The following ZNF804A variants were observed in gnomAD, a reference collection of about 807,000 sequenced individuals.
ZNF804A encodes the protein zinc finger protein 804A.
A neutral mutation model predicts 16.5 loss-of-function variants in ZNF804A; 2 were observed. The ratio of observed to expected loss-of-function variants is 0.12; its 90% CI spans 0.05 to 0.38. The LOEUF is 0.38. Ranked by LOEUF, ZNF804A falls within the 10% of genes least tolerant of loss-of-function variation. The probability of loss-of-function intolerance (pLI) is 0.99; values close to 1 mark genes in which losing one functional copy is unlikely to be tolerated. For synonymous variants in ZNF804A, 534 were observed against 489.6 expected, an observed-to-expected ratio of 1.09 and a Z score of -1.20; for missense variants, 1,473 against 1,390.7, an observed-to-expected ratio of 1.06 and a Z score of -0.94.
chr2:184,882,459 C>T (rs1434754973), intron 2 of ZNF804A, among the ~76,000 whole-genome samples: 2 of 151,984 alleles, frequency 1.3e-5, no homozygotes, highest in Non-Finnish European at 2.9e-5. Context: ...CAAATGGACC[C>T]AACAGATATC....
chr2:184,660,941 A>G (rs1692167048), intron 1 of ZNF804A, among the ~76,000 whole-genome samples: 1 of 152,240 alleles, frequency 6.6e-6, no homozygotes, highest in Admixed American at 6.5e-5. Context: ...GAGTATGTCA[A>G]TAGCCCTTCC....
At chr2:184,867,452 G>A (rs575013596) in intron 2 of ZNF804A, among the ~76,000 whole-genome samples, 14 of 152,066 alleles carry the variant, frequency 9.2e-5, no homozygotes, top group Admixed American at 4.6e-4. Context: ...CATGTTAAAC[G>A]ATAATGAACC....
At chr2:184,885,995 A>G (rs534405202) in intron 2 of ZNF804A, among the ~76,000 whole-genome samples, 151 of 152,264 alleles carry the variant, frequency 9.9e-4, no homozygotes, top group African/African-American at 3.6e-3. Context: ...CTGAAGTCAC[A>G]ATTCATTTTA....
At chr2:184,770,944 A>G (rs1422930126) in intron 1 of ZNF804A, among the ~76,000 whole-genome samples, 1 of 152,088 alleles carries the variant, frequency 6.6e-6, no homozygotes, top group African/African-American at 2.4e-5. Context: ...TATTTCACCC[A>G]AAGACAGATA....
chr2:184,782,410 C>G (rs1481981638), intron 1 of ZNF804A, among the ~76,000 whole-genome samples: 1 of 151,250 alleles, frequency 6.6e-6, no homozygotes, highest in Non-Finnish European at 1.5e-5. Flanking sequence ...CAGCTGCCAG[C>G]ATGGCTAGAA....
intron 2 of ZNF804A, among the ~76,000 whole-genome samples, chr2:184,872,560 A>G (rs952077554): frequency 4.6e-5 from 7 of 152,186 alleles, no homozygotes; most frequent in Admixed American, 6.5e-5. Context: ...AAACCTAAAA[A>G]TGCCATACAA....
intron 1 of ZNF804A, among the ~76,000 whole-genome samples, chr2:184,658,212 G>GGT (rs1344615495): frequency 1.3e-5 from 2 of 152,168 alleles, no homozygotes; most frequent in Non-Finnish European, 2.9e-5. Flanking sequence ...GGCCAGGTGT[G>GGT]GTGGCTCACG....
At chr2:184,654,723 A>G (rs774805851) in intron 1 of ZNF804A, among the ~76,000 whole-genome samples, 11 of 152,322 alleles carry the variant, frequency 7.2e-5, no homozygotes, top group Non-Finnish European at 1.6e-4. Context: ...CAGCTATGAA[A>G]AAGCATATAG....
chr2:184,916,595 A>G (rs1310105147), intron 2 of ZNF804A, among the ~76,000 whole-genome samples: 2 of 152,222 alleles, frequency 1.3e-5, no homozygotes, highest in African/African-American at 2.4e-5. Context: ...GACGCCTGCA[A>G]TCCCAGCACT....
intron 1 of ZNF804A, among the ~76,000 whole-genome samples, chr2:184,855,581 T>C (rs1206678908): frequency 6.7e-6 from 1 of 149,012 alleles, no homozygotes; most frequent in Admixed American, 6.8e-5. Flanking sequence ...AGTATATATA[T>C]ACTGTAATGT....
intron 1 of ZNF804A, among the ~76,000 whole-genome samples, chr2:184,822,634 T>C (rs1207809425): frequency 1.3e-5 from 2 of 151,940 alleles, no homozygotes; most frequent in Non-Finnish European, 2.9e-5. Flanking sequence ...TTTGAGCAGA[T>C]TTTTTTTGAG....
At chr2:184,638,769 TA>T (rs1300808624) in intron 1 of ZNF804A, among the ~76,000 whole-genome samples, 1 of 151,668 alleles carries the variant, frequency 6.6e-6, no homozygotes, top group Non-Finnish European at 1.5e-5. Context: ...TTCAATGGTT[TA>T]AAAATCACAG....
intron 2 of ZNF804A, among the ~76,000 whole-genome samples, chr2:184,919,829 C>CT (rs1214843964): frequency 2.0e-5 from 3 of 152,118 alleles, no homozygotes; most frequent in Non-Finnish European, 4.4e-5. Flanking sequence ...CAAAAAAGAA[C>CT]TGTAGGCTGG....
chr2:184,694,080 G>A (rs559395469), intron 1 of ZNF804A, among the ~76,000 whole-genome samples: 4 of 150,810 alleles, frequency 2.7e-5, no homozygotes, highest in Non-Finnish European at 5.9e-5. Context: ...AGGTGTGTGT[G>A]ACCACATCCT....
intron 2 of ZNF804A, among the ~76,000 whole-genome samples, chr2:184,914,620 C>T (rs1234628893): frequency 6.6e-6 from 1 of 152,058 alleles, no homozygotes; most frequent in Non-Finnish European, 1.5e-5. Flanking sequence ...GATTTAAATT[C>T]CTCCATAAAG....
intron 1 of ZNF804A, among the ~76,000 whole-genome samples, chr2:184,865,052 A>T (rs761784419): frequency 4.0e-5 from 6 of 151,420 alleles, no homozygotes; most frequent in Middle Eastern, 3.4e-3. Context: ...GTTAATTTTT[A>T]TATTTTTAGT....
At chr2:184,852,764 G>A (rs6709440) in intron 1 of ZNF804A, among the ~76,000 whole-genome samples, 23,139 of 151,632 alleles carry the variant, frequency 0.15, 1,961 homozygotes, top group Middle Eastern at 0.24. Flanking sequence ...CTGTAAATGT[G>A]TATATTTATT....
chr2:184,764,807 G>GA lies in ZNF804A; in HGVS notation c.112-101555dup, dbSNP rs1239781340. 5.8e-4 allele frequency among the ~76,000 whole-genome samples: 88 copies of GA among 152,024 alleles called. 1 individual carries two copies. Among genetic ancestry groups the GA allele is most frequent in the Non-Finnish European group, 1.8e-4 (12 of 67,970 alleles). On this transcript the variant is annotated intron_variant, in intron 1 of 3. Transcript: ENST00000302277. ...AATTAAAGTCAATATAATAGTTTATGAAAAAAATGATGTGCAAGTAATTTA... is the reference window on the plus strand; with the variant it reads ...AATTAAAGTCAATATAATAGTTTATGAAAAAAAATGATGTGCAAGTAATTTA...
intron 1 of ZNF804A, among the ~76,000 whole-genome samples, chr2:184,768,856 T>C (rs1221981710): frequency 6.6e-6 from 1 of 152,110 alleles, no homozygotes; most frequent in Admixed American, 6.6e-5. Flanking sequence ...CAAATGATCA[T>C]AGCAAAGCAG....
Sources: gnomAD v4.1 joint callset for allele counts (sites outside exome capture counted in the v4.1 genomes callset) on GRCh38, gnomAD v4.1.1 for gene constraint, MANE v1.5 for transcripts, NCBI Gene and HGNC (gene_info 2026-07-23, HGNC 2026-07-21) for gene names.